Variants in PIGK observed in about 807,000 individuals in gnomAD.
PIGK encodes GPI-anchor transamidase.
PIGK carries 42 observed loss-of-function variants against 50.6 expected under a neutral mutation model. That is an observed-to-expected ratio of 0.83 (90% CI 0.65 to 1.07). PIGK has a LOEUF of 1.07. Among genes scored for constraint, PIGK ranks in the 50% least tolerant of loss-of-function variants. The pLI is 0.00. For synonymous variants in PIGK, 151 were observed against 156.0 expected (o/e 0.97, Z 0.24); for missense variants, 448 against 488.7 (o/e 0.92, Z 0.78).
At chr1:77,147,149 G>C (rs957548137) in intron 9 of PIGK, among the ~76,000 whole-genome samples, 3 of 152,178 alleles carry the variant, frequency 2.0e-5, no homozygotes, top group Non-Finnish European at 2.9e-5. Flanking sequence ...GTGGCAGTAA[G>C]AGAGAATGAG....
chr1:77,127,808 C>T, intron 9 of PIGK, among the ~76,000 whole-genome samples: 1 of 152,032 alleles, frequency 6.6e-6, no homozygotes, highest in East Asian at 1.9e-4. Flanking sequence ...CTCAAAGAAG[C>T]ACTTGAAACT....
At chr1:77,108,650 TG>T (rs572694882) in intron 10 of PIGK, among the ~76,000 whole-genome samples, 2,306 of 152,328 alleles carry the variant, frequency 0.015, 58 homozygotes, top group African/African-American at 0.053. Flanking sequence ...CTTGCTAGGC[TG>T]GGGAAGTTCT....
intron 9 of PIGK, among the ~76,000 whole-genome samples, chr1:77,124,806 C>T (rs1446986640): frequency 6.6e-6 from 1 of 152,210 alleles, no homozygotes; most frequent in East Asian, 1.9e-4. Context: ...TGCATAAATA[C>T]AACTCAAGAA....
chr1:77,138,448 T>G (rs896141924), intron 9 of PIGK, among the ~76,000 whole-genome samples: 1 of 152,230 alleles, frequency 6.6e-6, no homozygotes, highest in African/African-American at 2.4e-5. Context: ...ATTTCAGCCC[T>G]ACATGTGCAA....
intron 8 of PIGK, among the ~76,000 whole-genome samples, chr1:77,157,131 C>A (rs982457543): frequency 6.6e-6 from 1 of 152,116 alleles, no homozygotes; most frequent in African/African-American, 2.4e-5. Flanking sequence ...TTTTGCTACT[C>A]CTAAAGCAAC....
intron 9 of PIGK, 71 bp from the exon 10 acceptor site, chr1:77,122,430 T>C (rs1242956401): frequency 3.7e-6 from 3 of 815,742 alleles, no homozygotes; most frequent in Non-Finnish European, 4.1e-6. Flanking sequence ...TATTTAAATA[T>C]GTCAAATATG....
chr1:77,172,679 G>T (rs1209960331), intron 3 of PIGK, among the ~76,000 whole-genome samples: 1 of 152,118 alleles, frequency 6.6e-6, no homozygotes, highest in Non-Finnish European at 1.5e-5. Context: ...ATGCCAGCAT[G>T]TTGGGAGGTG....
At chr1:77,132,675 C>T (rs1452339798) in intron 9 of PIGK, among the ~76,000 whole-genome samples, 1 of 151,864 alleles carries the variant, frequency 6.6e-6, no homozygotes, top group East Asian at 1.9e-4. Flanking sequence ...TTTGTTGTTT[C>T]TCTTTATAAT....
At chr1:77,180,472 G>T (rs918411829) in intron 3 of PIGK, among the ~76,000 whole-genome samples, 1 of 152,102 alleles carries the variant, frequency 6.6e-6, no homozygotes, top group African/African-American at 2.4e-5. Flanking sequence ...ATAAATACTA[G>T]TGAAGTGTGA....
At chr1:77,146,537 T>A (rs1217653493) in intron 9 of PIGK, among the ~76,000 whole-genome samples, 1 of 152,064 alleles carries the variant, frequency 6.6e-6, no homozygotes, top group African/African-American at 2.4e-5. Flanking sequence ...GGCTCACACA[T>A]GTAATCCCAG....
chr1:77,133,502 G>C (rs996090042), intron 9 of PIGK, among the ~76,000 whole-genome samples: 2 of 152,026 alleles, frequency 1.3e-5, no homozygotes, highest in Non-Finnish European at 2.9e-5. Flanking sequence ...TCTGTGTTTT[G>C]TTTTTCTCTT....
chr1:77,166,947 CT>C (rs1408806602), intron 4 of PIGK, 117 bp from the exon 5 acceptor site: 1 of 600,982 alleles, frequency 1.7e-6, no homozygotes, highest in East Asian at 3.1e-5. Flanking sequence ...TCAGCACCAA[CT>C]GAAAATAAAA....
intron 9 of PIGK, among the ~76,000 whole-genome samples, chr1:77,142,680 C>G (rs763441798): frequency 3.3e-5 from 5 of 152,004 alleles, no homozygotes; most frequent in Non-Finnish European, 7.4e-5. Flanking sequence ...GAAGTGCAAG[C>G]AGGGGAAAGG....
intron 2 of PIGK, among the ~76,000 whole-genome samples, chr1:77,209,680 A>C (rs901909550): frequency 1.3e-5 from 2 of 152,116 alleles, no homozygotes; most frequent in African/African-American, 4.8e-5. Flanking sequence ...TTTAGATTCT[A>C]AATGCCCATA....
At chr1:77,187,930 T>C (rs921055068) in intron 3 of PIGK, among the ~76,000 whole-genome samples, 14 of 152,226 alleles carry the variant, frequency 9.2e-5, no homozygotes, top group East Asian at 5.8e-4. Flanking sequence ...TCTCTAAACA[T>C]AAATTGTAAA....
chr1:77,146,770 C>A (rs1201399443), intron 9 of PIGK, among the ~76,000 whole-genome samples: 2 of 151,680 alleles, frequency 1.3e-5, no homozygotes, highest in Non-Finnish European at 2.9e-5. Flanking sequence ...GCACTCCAGC[C>A]TGGGCGACAC....
chr1:77,145,177 T>C (rs1171282748), intron 9 of PIGK, among the ~76,000 whole-genome samples: 2 of 151,996 alleles, frequency 1.3e-5, no homozygotes, highest in Non-Finnish European at 2.9e-5. Flanking sequence ...CTATTGAATA[T>C]GTAAATTTAA....
chr1:77,170,792 A>G (rs1480279064), intron 3 of PIGK, among the ~76,000 whole-genome samples: 2 of 152,224 alleles, frequency 1.3e-5, no homozygotes, highest in Non-Finnish European at 2.9e-5. Flanking sequence ...TTTCCCAAGC[A>G]TAAGGGAAAA....
intron 3 of PIGK, among the ~76,000 whole-genome samples, chr1:77,192,976 T>G (rs922797675): frequency 2.6e-5 from 4 of 152,152 alleles, no homozygotes; most frequent in African/African-American, 9.7e-5. Context: ...GGCTTAGAGA[T>G]GGATACCACT....
Sources: gnomAD v4.1 joint callset for allele counts (sites outside exome capture counted in the v4.1 genomes callset) on GRCh38, gnomAD v4.1.1 for gene constraint, MANE v1.5 for transcripts, NCBI Gene and HGNC (gene_info 2026-07-23, HGNC 2026-07-21) for gene names.